Variants in NXPE3 observed in about 807,000 individuals in gnomAD.
NXPE3 encodes the protein NXPE family member 3.
NXPE3 carries 26 observed loss-of-function variants against 46.1 expected under a neutral mutation model. The ratio of observed to expected loss-of-function variants is 0.56; its 90% confidence interval spans 0.41 to 0.78. The LOEUF is 0.78. Ranked by LOEUF, NXPE3 falls within the 30% of genes least tolerant of loss-of-function variation. The pLI is 0.00. For synonymous variants in NXPE3, 272 were observed against 257.9 expected (o/e 1.05, Z -0.52); for missense variants, 620 against 686.0 (o/e 0.90, Z 1.07).
chr3:101,785,115 T>A (rs1178223788), intron 3 of NXPE3, among the ~76,000 whole-genome samples: 1 of 152,224 alleles, frequency 6.6e-6, no homozygotes, highest in Non-Finnish European at 1.5e-5. Flanking sequence ...TACTTTTATT[T>A]CACAATTTCT....
chr3:101,785,151 T>A (rs1940078858), intron 3 of NXPE3, among the ~76,000 whole-genome samples: 1 of 152,216 alleles, frequency 6.6e-6, no homozygotes, highest in African/African-American at 2.4e-5. Context: ...CTTCCTTACT[T>A]TCTTAAAAGT....
chr3:101,789,335 G>A (rs1375810904), intron 4 of NXPE3, among the ~76,000 whole-genome samples: 2 of 152,146 alleles, frequency 1.3e-5, no homozygotes, highest in Admixed American at 1.3e-4. Flanking sequence ...CCTGAGGCCA[G>A]AAGTTTGAGA....
chr3:101,783,293 C>G (rs1939939588), intron 3 of NXPE3, among the ~76,000 whole-genome samples: 1 of 151,702 alleles, frequency 6.6e-6, no homozygotes, highest in South Asian at 2.1e-4. Flanking sequence ...GATCTCCTGA[C>G]CTTGTGATCC....
chr3:101,802,127 TA>T lies in NXPE3; in HGVS notation c.848+149del, dbSNP rs369908652. 5.9e-3 allele frequency: 3,303 copies of T among 556,010 alleles called. 1 individual carries two copies. Among genetic ancestry groups the T allele is most frequent in the South Asian group, 7.8e-3 (220 of 28,298 alleles). The allele number at this position is 556,010 out of a possible 1,614,324, so 34.4% of individuals were successfully genotyped here. A position where few individuals can be genotyped will look rare whatever the true frequency, so the allele number is the denominator to read the frequency against. ...GGCCCAATACAGAAGAGGTAGTGAA[TA>T]AAAAAAAAAACATAGATTTGTATTT... is the stretch of plus-strand genomic sequence containing the variant. On this transcript the variant is annotated intron_variant, in intron 5 of 7. Coordinates refer to ENST00000273347, the MANE Select transcript of NXPE3 (RefSeq NM_145037.4).
intron 6 of NXPE3, among the ~76,000 whole-genome samples, chr3:101,812,894 A>C (rs183287757): frequency 1.3e-5 from 2 of 149,252 alleles, no homozygotes; most frequent in East Asian, 4.0e-4. Flanking sequence ...CTATGAATTT[A>C]TAGAATTTCT....
intron 4 of NXPE3, among the ~76,000 whole-genome samples, chr3:101,790,848 G>A (rs1190922606): frequency 1.3e-5 from 2 of 152,208 alleles, no homozygotes; most frequent in East Asian, 1.9e-4. Context: ...CAGCTGCCTT[G>A]GCCTTCCAAA....
intron 6 of NXPE3, among the ~76,000 whole-genome samples, chr3:101,809,922 T>C (rs1941636797): frequency 6.6e-6 from 1 of 152,200 alleles, no homozygotes; most frequent in African/African-American, 2.4e-5. Context: ...GGGTTTACAG[T>C]ATTTCTACTT....
chr3:101,814,607 G>A (rs1941882528), intron 6 of NXPE3, among the ~76,000 whole-genome samples: 1 of 152,066 alleles, frequency 6.6e-6, no homozygotes. Context: ...CACAAATAGG[G>A]GAGTCACTTA....
At chr3:101,787,787 C>G (rs1940279750) in intron 4 of NXPE3, among the ~76,000 whole-genome samples, 1 of 152,212 alleles carries the variant, frequency 6.6e-6, no homozygotes, top group African/African-American at 2.4e-5. Flanking sequence ...GATGCTACAG[C>G]ATGTACATAC....
rs1942508110 is a variant in NXPE3 at position 101,826,820 on chromosome 3, G to A, written c.*4866G>A. 1 of 152,210 alleles carries A rather than the reference G, an allele frequency of 6.6e-6. No homozygotes were observed. The allele number at this position is 152,210 out of a possible 1,614,324, so 9.4% of individuals were successfully genotyped here. On this transcript the variant is annotated 3_prime_UTR_variant, in exon 8 of 8. Transcript: ENST00000273347. ...AGGCCGAGGTGGGCGGATCACCTGA[G>A]GTCAAGAGTTCAAGACCAGCCTGAC...
Position 101,821,865 on chromosome 3 carries a change from T to C in NXPE3, c.1591T>C (p.Tyr531His). 1 of 1,614,176 alleles carries C rather than the reference T, an allele frequency of 6.2e-7. No individual in the cohort carries two copies. The highest frequency in any genetic ancestry group is 1.1e-5 in the South Asian group (1 of 91,082). ...TGCCTGGGAGATGACCCTGGCCCAT[T>C]ATCTACCGCACAAGCTGCATCCAGA... ...VDAWEMTLAH[Y>H]LPHKLHPDEV... The change falls in exon 8 of 8, where the codon TAT becomes CAT. Residue 531 changes from tyrosine (Y) to histidine (H), a missense_variant. Tyr to His is a moderately conservative substitution (Grantham distance 83). Around this residue, in one of 3 missense-constraint regions of NXPE3, gnomAD observed 34 missense variants for 36.2 expected, o/e 0.94. Coordinates refer to ENST00000273347, the MANE Select transcript of NXPE3 (RefSeq NM_145037.4).
At chr3:101,780,315 A>T (rs1196809905) in intron 1 of NXPE3, among the ~76,000 whole-genome samples, 1 of 152,112 alleles carries the variant, frequency 6.6e-6, no homozygotes, top group Non-Finnish European at 1.5e-5. Flanking sequence ...TTATCCTCAC[A>T]ATCTCTTTGG....
chr3:101,782,950 G>A (rs1253376763), intron 3 of NXPE3, among the ~76,000 whole-genome samples, 170 bp downstream of exon 3: 1 of 152,146 alleles, frequency 6.6e-6, no homozygotes, highest in East Asian at 1.9e-4. Context: ...GCCTGGCCCA[G>A]CTTTATTCTT....
At chr3:101,787,759 A>G (rs189295040) in intron 4 of NXPE3, among the ~76,000 whole-genome samples, 1 of 152,384 alleles carries the variant, frequency 6.6e-6, no homozygotes, top group East Asian at 1.9e-4. Context: ...AACCTTAAAA[A>G]GGAAGGAAAT....
intron 4 of NXPE3, among the ~76,000 whole-genome samples, chr3:101,800,742 T>C (rs534010179): frequency 2.0e-5 from 3 of 152,170 alleles, no homozygotes; most frequent in African/African-American, 7.2e-5. Flanking sequence ...TATTATTATG[T>C]AATGACCCTC....
At chr3:101,816,553 A>G (rs558396653) in intron 6 of NXPE3, among the ~76,000 whole-genome samples, 1 of 152,230 alleles carries the variant, frequency 6.6e-6, no homozygotes, top group East Asian at 1.9e-4. Flanking sequence ...TAGTTTGCTG[A>G]GAATGATGAC....
chr3:101,784,216 G>T (rs1279851762), intron 3 of NXPE3, among the ~76,000 whole-genome samples: 2 of 152,004 alleles, frequency 1.3e-5, no homozygotes, highest in African/African-American at 4.8e-5. Context: ...CTGATATATG[G>T]TTTTTTAAAA....
At chr3:101,787,697 T>C (rs1940274624) in intron 4 of NXPE3, among the ~76,000 whole-genome samples, 1 of 152,236 alleles carries the variant, frequency 6.6e-6, no homozygotes, top group African/African-American at 2.4e-5. Flanking sequence ...TCTTTTCTTT[T>C]TAAGGCTGAG....
At chr3:101,802,601 T>C (rs1941223367) in intron 5 of NXPE3, among the ~76,000 whole-genome samples, 2 of 151,946 alleles carry the variant, frequency 1.3e-5, no homozygotes, top group African/African-American at 4.9e-5. Flanking sequence ...ATTAAAAAAC[T>C]ATGAATATGG....
Sources: gnomAD v4.1 joint callset for allele counts (sites outside exome capture counted in the v4.1 genomes callset) on GRCh38, gnomAD v4.1.1 for gene constraint, gnomAD v4.1.1 regional missense constraint, MANE v1.5 for transcripts, NCBI Gene and HGNC (gene_info 2026-07-23, HGNC 2026-07-21) for gene names.